The following LOC400499 variants were observed in gnomAD, a reference collection of about 807,000 sequenced individuals.
chr16:11,457,191 A>C, the LOC400499 span: 1 of 663,130 alleles, frequency 1.5e-6, no homozygotes, highest in Non-Finnish European at 2.5e-6. Flanking sequence ...AAAAACAAAA[A>C]ACAAGGAGCG....
the LOC400499 span, among the ~76,000 whole-genome samples, chr16:11,395,029 G>A: frequency 1.3e-5 from 2 of 152,194 alleles, no homozygotes; most frequent in Admixed American, 1.3e-4. Flanking sequence ...TTGGTAATAG[G>A]GCTACAGCCC....
the LOC400499 span, among the ~76,000 whole-genome samples, chr16:11,397,088 C>T: frequency 6.6e-6 from 1 of 152,182 alleles, no homozygotes; most frequent in East Asian, 1.9e-4. Flanking sequence ...GTTGTATCGT[C>T]CTGGCCCCAC....
At chr16:11,468,454 G>C in the LOC400499 span, among the ~76,000 whole-genome samples, 8 of 152,108 alleles carry the variant, frequency 5.3e-5, no homozygotes, top group African/African-American at 1.7e-4. Flanking sequence ...CTCCTGAGTA[G>C]CTGAGACTAC....
chr16:11,399,453 G>A, the LOC400499 span: 15 of 402,046 alleles, frequency 3.7e-5, no homozygotes, highest in East Asian at 1.4e-4. Context: ...CTGCCCAGAC[G>A]CTGCTCCCCT....
At chr16:11,439,967 C>T in the LOC400499 span, among the ~76,000 whole-genome samples, 1 of 152,118 alleles carries the variant, frequency 6.6e-6, no homozygotes, top group African/African-American at 2.4e-5. Flanking sequence ...GTTACCATCC[C>T]ATTTCCCAGC....
the LOC400499 span, among the ~76,000 whole-genome samples, chr16:11,427,088 T>G: frequency 6.6e-6 from 1 of 151,820 alleles, no homozygotes; most frequent in Non-Finnish European, 1.5e-5. Flanking sequence ...CCAGGCGCAG[T>G]GGCTCACACC....
the LOC400499 span, among the ~76,000 whole-genome samples, chr16:11,468,114 A>C: frequency 1.5e-5 from 2 of 135,260 alleles, no homozygotes; most frequent in East Asian, 3.9e-4. Context: ...AAAACAAAAA[A>C]CAACAATAAC....
At chr16:11,406,776 G>C in the LOC400499 span, among the ~76,000 whole-genome samples, 175 of 152,210 alleles carry the variant, frequency 1.1e-3, no homozygotes, top group African/African-American at 2.3e-3. Flanking sequence ...TCCACCGCTA[G>C]CTCATGTGTC....
chr16:11,376,681 G>C, the LOC400499 span, among the ~76,000 whole-genome samples: 1 of 152,116 alleles, frequency 6.6e-6, no homozygotes, highest in Non-Finnish European at 1.5e-5. Context: ...GGAGTCCCTT[G>C]AAATTGTGTA....
chr16:11,488,209 A>C, the LOC400499 span, among the ~76,000 whole-genome samples: 2 of 152,000 alleles, frequency 1.3e-5, no homozygotes, highest in East Asian at 3.9e-4. Flanking sequence ...AGTTAAGGTG[A>C]TTTTCTATTA....
At chr16:11,384,426 G>C in the LOC400499 span, 1 of 557,954 alleles carries the variant, frequency 1.8e-6, no homozygotes, top group Non-Finnish European at 2.7e-6. Flanking sequence ...TGAGCCTGAA[G>C]CACACAGAGG....
chr16:11,401,934 C>T, the LOC400499 span: 1 of 398,568 alleles, frequency 2.5e-6, no homozygotes, highest in Non-Finnish European at 4.4e-6. Context: ...TCATTGACCC[C>T]AGATAAGGCT....
chr16:11,435,830 A>G, the LOC400499 span: 4 of 399,070 alleles, frequency 1.0e-5, no homozygotes, highest in African/African-American at 8.2e-5. Context: ...TTGCACAGAT[A>G]GAGACCCGTT....
At chr16:11,456,936 T>C in the LOC400499 span, 8 of 1,536,302 alleles carry the variant, frequency 5.2e-6, no homozygotes, top group Non-Finnish European at 7.0e-6. Flanking sequence ...CCCATTGTAC[T>C]GCACCTTCAG....
chr16:11,390,561 C>T, the LOC400499 span: 7 of 992,602 alleles, frequency 7.1e-6, no homozygotes, highest in Non-Finnish European at 9.1e-6. Context: ...AGGGCCTGTT[C>T]CTGGGATTAA....
chr16:11,444,346 G>A, the LOC400499 span, among the ~76,000 whole-genome samples: 1 of 152,218 alleles, frequency 6.6e-6, no homozygotes, highest in East Asian at 1.9e-4. Context: ...TGCAGTGAGT[G>A]AGCCATGATC....
chr16:11,462,311 G>A, the LOC400499 span: 92 of 1,466,602 alleles, frequency 6.3e-5, no homozygotes, highest in African/African-American at 7.3e-4. Context: ...GCCCTGAAAC[G>A]GCCTCAGTGT....
chr16:11,519,270 A>G, the LOC400499 span, among the ~76,000 whole-genome samples: 2 of 152,198 alleles, frequency 1.3e-5, no homozygotes, highest in Non-Finnish European at 2.9e-5. Flanking sequence ...ACCAACAAGA[A>G]TATGTTACAT....
the LOC400499 span, among the ~76,000 whole-genome samples, chr16:11,517,723 G>A: frequency 1.3e-5 from 2 of 152,148 alleles, no homozygotes; most frequent in African/African-American, 2.4e-5. Flanking sequence ...TGCTCCTCCC[G>A]CCTGCCCTTC....
Sources: allele counts gnomAD v4.1 joint callset (sites outside exome capture counted in the v4.1 genomes callset), GRCh38; gene constraint gnomAD v4.1.1; transcripts MANE v1.5.